DDX50: variants seen among roughly 807,000 people sequenced by gnomAD.
The protein encoded by DDX50 is ATP-dependent RNA helicase DDX50.
In DDX50, 56 loss-of-function variants were observed where a neutral mutation model predicts 94.8. The observed-to-expected ratio is 0.59, with a 90% CI of 0.48 to 0.74. The LOEUF (loss-of-function observed/expected upper bound fraction) is 0.74, where lower values mean the gene tolerates loss of function less well. Ranked by LOEUF, DDX50 falls within the 30% of genes least tolerant of loss-of-function variation. DDX50 has a pLI of 0.00. For synonymous variants in DDX50, 264 were observed against 295.4 expected, an observed-to-expected ratio of 0.89 and a Z score of 1.09; for missense variants, 713 against 881.2, an observed-to-expected ratio of 0.81 and a Z score of 2.42.
chr10:68,930,775 T>C (rs957890898), intron 8 of DDX50, among the ~76,000 whole-genome samples: 1 of 152,214 alleles, frequency 6.6e-6, no homozygotes, highest in African/African-American at 2.4e-5. Context: ...CACCTCAGCC[T>C]CCCAAGTAGC....
chr10:68,907,317 C>CTTTTTTTTT (rs59316500), intron 2 of DDX50, among the ~76,000 whole-genome samples: 12 of 130,490 alleles, frequency 9.2e-5, no homozygotes, highest in African/African-American at 1.1e-4. Flanking sequence ...TTTCTTTTTT[C>CTTTTTTTTT]TTTTTTTTTT....
At chr10:68,906,037 C>T (rs1791239896) in intron 1 of DDX50, among the ~76,000 whole-genome samples, 1 of 152,142 alleles carries the variant, frequency 6.6e-6, no homozygotes, top group Admixed American at 6.5e-5. Flanking sequence ...AAAGGTAGCA[C>T]CCCGGTAGGG....
Position 68,911,136 on chromosome 10 carries a change from T to A in DDX50, c.529T>A (p.Leu177Ile). Residue 177 changes from leucine (L) to isoleucine (I), a missense_variant, in exon 4 of 15, where the codon TTA (leucine) becomes ATA (isoleucine). Leu to Ile is a conservative substitution (Grantham distance 5). Coordinates refer to ENST00000373585, the MANE Select transcript of DDX50 (RefSeq NM_024045.2). ...TFGPVYEGKD[L>I]IAQARTGTGK... ...TGGTCCTGTATATGAAGGAAAAGAT[T>A]TAATAGCTCAAGCACGGACAGGAAC... The A allele has an allele frequency of 1.2e-6, 2 of 1,612,378 alleles. No homozygotes were observed. Among genetic ancestry groups the A allele is most frequent in the Non-Finnish European group, 1.7e-6 (2 of 1,179,310 alleles).
At chr10:68,930,212 G>A (rs1272643519) in intron 8 of DDX50, among the ~76,000 whole-genome samples, 1 of 149,372 alleles carries the variant, frequency 6.7e-6, no homozygotes, top group Admixed American at 6.7e-5. Context: ...CTGCCTCCCG[G>A]GTTCAAGCGA....
intron 7 of DDX50, 38 bp from the exon 8 acceptor site, chr10:68,919,794 T>G: frequency 6.3e-7 from 1 of 1,598,628 alleles, no homozygotes; most frequent in South Asian, 1.1e-5. Flanking sequence ...AAAATAATTT[T>G]AATGAAACAA....
chr10:68,945,916 A>G (rs1268600917), intron 14 of DDX50, among the ~76,000 whole-genome samples: 2 of 152,026 alleles, frequency 1.3e-5, no homozygotes, highest in Admixed American at 6.6e-5. Flanking sequence ...GAAACTGAGT[A>G]TAATGTATAT....
chr10:68,939,964 A>G (rs7914303), intron 12 of DDX50, among the ~76,000 whole-genome samples: 5,024 of 151,918 alleles, frequency 0.033, 132 homozygotes, highest in African/African-American at 0.077. Context: ...TCTGTGGCAC[A>G]TACGTAGGGC....
At position 68,934,426 on chromosome 10, in the gene DDX50, C is replaced by G; in HGVS notation, c.1401+66C>G. The G allele has an allele frequency of 1.9e-6, 3 of 1,592,086 alleles. No individual in the cohort carries two copies. The highest frequency in any genetic ancestry group is 2.6e-6 in the Non-Finnish European group (3 of 1,170,500). On this transcript the variant is annotated intron_variant, in intron 9 of 14. Transcript: ENST00000373585. This position sits in a 1 kb window ranked among gnomAD's most constrained non-coding sequence, Gnocchi z 4.0. The stretch of plus-strand genomic sequence containing the variant: ...TTATAAATTCCCATTTAATTTACAA[C>G]ATATTGCTTGGGATGTGAAAAATAT...
intron 7 of DDX50, among the ~76,000 whole-genome samples, chr10:68,918,694 T>C (rs1841868205): frequency 6.6e-6 from 1 of 151,948 alleles, no homozygotes; most frequent in Non-Finnish European, 1.5e-5. Context: ...CCCAAAGTGC[T>C]GGGATTACAG....
chr10:68,927,882 C>T (rs1256166295), intron 8 of DDX50, among the ~76,000 whole-genome samples: 2 of 151,994 alleles, frequency 1.3e-5, no homozygotes, highest in African/African-American at 2.4e-5. Context: ...TTGAGCTGGC[C>T]GCCATGGTTC....
chr10:68,916,353 C>CAAAA (rs11420993), intron 7 of DDX50, among the ~76,000 whole-genome samples: 18 of 123,458 alleles, frequency 1.5e-4, no homozygotes, highest in Middle Eastern at 4.2e-3. Context: ...GACTCTGTCT[C>CAAAA]AAAAAAAAAA....
chr10:68,928,159 A>T (rs1359129455), intron 8 of DDX50, among the ~76,000 whole-genome samples: 1 of 152,064 alleles, frequency 6.6e-6, no homozygotes, highest in Non-Finnish European at 1.5e-5. Flanking sequence ...TACAAAAAAT[A>T]AAAAAATTGC....
rs1193761365 is a variant in DDX50, at chr10:68,936,836, A to G, written c.1596-100A>G. The stretch of plus-strand genomic sequence containing the variant: ...AGACTGGGTGACAGAGCAAGGCTCT[A>G]TCTCAAAAAAAAAAAATTACTCCTT... On this transcript the variant is annotated intron_variant, in intron 11 of 14. Transcript: ENST00000373585. 16 of 1,217,246 alleles carry G rather than the reference A, an allele frequency of 1.3e-5. 1 individual carries two copies. Among genetic ancestry groups the G allele is most frequent in the Admixed American group, 4.6e-5 (2 of 43,098 alleles). 75.4% of individuals were successfully genotyped at this position (1,217,246 alleles called of 1,614,324 possible). A position where few individuals can be genotyped will look rare whatever the true frequency, so the allele number is the denominator to read the frequency against.
intron 7 of DDX50, among the ~76,000 whole-genome samples, chr10:68,916,121 C>T (rs148223169): frequency 0.069 from 10,552 of 151,912 alleles, 465 homozygotes; most frequent in African/African-American, 0.12. Context: ...TCTGGGAGGC[C>T]GAGGCGGGTG....
In DDX50 at chr10:68,914,977, C is replaced by T. The variant is rs374482163; in HGVS notation, c.1089+773C>T. 1.6e-4 allele frequency among the ~76,000 whole-genome samples: 23 copies of T among 146,826 alleles called. No homozygotes were observed. The East Asian group carries it at 1.8e-3, about 12-fold the overall frequency. On this transcript the variant is annotated intron_variant, in intron 7 of 14. Transcript: ENST00000373585. The stretch of plus-strand genomic sequence containing the variant: ...TGGAGGTTGCAGTAAGCTGAGATTG[C>T]GCCACCGTACTCCAGCCTGGGTGAC...
chr10:68,920,971 GAA>G (rs67043980), intron 8 of DDX50, among the ~76,000 whole-genome samples: 14 of 140,436 alleles, frequency 1.0e-4, no homozygotes, highest in African/African-American at 3.4e-4. Context: ...AAAAGAAAGG[GAA>G]AAAAAAAACC....
chr10:68,913,209 A>C lies in DDX50; in HGVS notation c.687A>C (p.Lys229Asn). Residue 229 changes from lysine to asparagine, a missense_variant, in exon 5 of 15, where the codon AAA (lysine) becomes AAC (asparagine). By Grantham distance (94) the Lys-to-Asn change is moderately conservative (BLOSUM62 0). Around this residue, in one of 2 missense-constraint regions of DDX50, gnomAD observed 285 missense variants for 278.9 expected, o/e 1.02. Coordinates refer to ENST00000373585, the MANE Select transcript of DDX50 (RefSeq NM_024045.2). ...PTRELANQVA[K>N]DFKDITRKLS... ...GGGAACTGGCAAACCAAGTAGCCAA[A>C]GACTTCAAAGATATAACTAGGAAAC... The C allele has an allele frequency of 6.2e-7, 1 of 1,613,228 alleles. No individual in the cohort carries two copies. Among genetic ancestry groups the C allele is most frequent in the South Asian group, 1.1e-5 (1 of 90,712 alleles).
chr10:68,933,524 A>C (rs928447967), intron 8 of DDX50, among the ~76,000 whole-genome samples: 1 of 152,226 alleles, frequency 6.6e-6, no homozygotes, highest in Non-Finnish European at 1.5e-5. Context: ...GTGGATAGCT[A>C]AGATACACTA....
chr10:68,943,944 A>G (rs961105064), intron 14 of DDX50, among the ~76,000 whole-genome samples: 5 of 152,080 alleles, frequency 3.3e-5, no homozygotes, highest in Non-Finnish European at 5.9e-5. Flanking sequence ...ATGAATCTCC[A>G]TGTACCCAAC....
Sources: gnomAD v4.1 joint callset for allele counts (sites outside exome capture counted in the v4.1 genomes callset) on GRCh38, gnomAD v4.1.1 for gene constraint, gnomAD v4.1.1 regional missense constraint, Gnocchi (gnomAD v3.1) non-coding constraint, MANE v1.5 for transcripts, NCBI Gene and HGNC (gene_info 2026-07-23, HGNC 2026-07-21) for gene names.